The following TIAM2 variants were observed in gnomAD, a reference collection of about 807,000 sequenced individuals.
The protein encoded by TIAM2 is TIAM Rac1 associated GEF 2, also known as rho guanine nucleotide exchange factor TIAM2.
Under a neutral mutation model 152.9 loss-of-function variants are expected in TIAM2, and 80 were observed. The observed-to-expected ratio is 0.52, with a 90% confidence interval of 0.44 to 0.63. TIAM2 has a LOEUF of 0.63. Among genes scored for constraint, TIAM2 ranks in the 30% least tolerant of loss-of-function variants. The pLI is 0.00. For synonymous variants in TIAM2, 804 were observed against 838.0 expected (o/e 0.96, Z 0.70); for missense variants, 1,965 against 2,120.1 (o/e 0.93, Z 1.44).
rs1018299569 is a variant in TIAM2, at chr6:155,156,077, G to A, written c.2028+7743G>A. 1.3e-5 allele frequency among the ~76,000 whole-genome samples: 2 copies of A among 152,228 alleles called. No individual in the cohort carries two copies. Among genetic ancestry groups the A allele is most frequent in the Admixed American group, 6.5e-5 (1 of 15,280 alleles). On this transcript the variant is annotated intron_variant, in intron 7 of 26. Transcript: ENST00000682666. This position sits in a 1 kb window ranked among gnomAD's most constrained non-coding sequence, Gnocchi z 4.4. Reference sequence around the variant, plus strand: ...TGGCATTCCAGTGCTGTGGAAGACAGAAATGGGAAATATAGCCTCATGTGC... The same window carrying A: ...TGGCATTCCAGTGCTGTGGAAGACAAAAATGGGAAATATAGCCTCATGTGC...
At chr6:155,106,532 C>T (rs1205602108) in intron 2 of TIAM2, among the ~76,000 whole-genome samples, 1 of 152,002 alleles carries the variant, frequency 6.6e-6, no homozygotes, top group Non-Finnish European at 1.5e-5. Context: ...AAGTTTATAC[C>T]CGATATTTTG....
At chr6:155,211,169 C>G (rs772685511) in intron 14 of TIAM2, 35 bp from the exon 15 acceptor site, 1 of 1,594,206 alleles carries the variant, frequency 6.3e-7, no homozygotes, top group African/African-American at 1.3e-5. Flanking sequence ...TGCAAATGGC[C>G]AAACTCATAT....
At chr6:155,024,652 T>TAAAAAAAA (rs58181899) in intron 1 of TIAM2, among the ~76,000 whole-genome samples, 1 of 146,936 alleles carries the variant, frequency 6.8e-6, no homozygotes, top group Non-Finnish European at 1.5e-5. Context: ...TCCATGTCTT[T>TAAAAAAAA]AAAAAAAAAA....
chr6:155,028,927 T>A (rs1220672885), intron 1 of TIAM2, among the ~76,000 whole-genome samples: 1 of 114,024 alleles, frequency 8.8e-6, no homozygotes, highest in African/African-American at 3.7e-5. Context: ...ATATACACTG[T>A]ATATACTATA....
intron 7 of TIAM2, among the ~76,000 whole-genome samples, chr6:155,154,427 G>A (rs978066166): frequency 9.2e-5 from 14 of 152,162 alleles, no homozygotes; most frequent in East Asian, 7.7e-4. Flanking sequence ...TGCTCTGGCC[G>A]TGTCCTGGGC....
At chr6:155,126,058 G>A (rs1342621211) in intron 2 of TIAM2, among the ~76,000 whole-genome samples, 2 of 152,124 alleles carry the variant, frequency 1.3e-5, no homozygotes, top group East Asian at 1.9e-4. Flanking sequence ...ATAGCCAAGA[G>A]GTGGAAGCAA....
chr6:155,055,152 G>GT (rs2114929418), intron 1 of TIAM2, among the ~76,000 whole-genome samples: 1 of 152,218 alleles, frequency 6.6e-6, no homozygotes, highest in Admixed American at 6.5e-5. Context: ...ATTGCAGAAC[G>GT]TAATTCATTA....
chr6:155,119,007 C>A (rs374632763), intron 2 of TIAM2, among the ~76,000 whole-genome samples: 1 of 151,382 alleles, frequency 6.6e-6, no homozygotes. Flanking sequence ...TTGCCTTGGA[C>A]AATGACTTCC....
At chr6:155,058,202 G>A (rs1777495970) in intron 1 of TIAM2, among the ~76,000 whole-genome samples, 1 of 152,154 alleles carries the variant, frequency 6.6e-6, no homozygotes, top group Non-Finnish European at 1.5e-5. Context: ...TGTAATCATT[G>A]CTAATGGGAT....
At chr6:155,201,997 A>G (rs942404716) in intron 14 of TIAM2, among the ~76,000 whole-genome samples, 3 of 151,176 alleles carry the variant, frequency 2.0e-5, no homozygotes, top group African/African-American at 7.3e-5. Context: ...TAACATTCAG[A>G]CTGCTGCTTT....
At chr6:155,238,002 A>G (rs1041202241) in intron 15 of TIAM2, among the ~76,000 whole-genome samples, 8 of 152,194 alleles carry the variant, frequency 5.3e-5, no homozygotes, top group Non-Finnish European at 8.8e-5. Flanking sequence ...TTTCTTTGCT[A>G]TTGCATTGTC....
intron 1 of TIAM2, among the ~76,000 whole-genome samples, chr6:155,025,268 G>A (rs955211269): frequency 4.7e-5 from 7 of 149,208 alleles, no homozygotes; most frequent in Non-Finnish European, 1.0e-4. Flanking sequence ...ATCTCAGCTC[G>A]CTGCAAGCTC....
chr6:155,147,678 T>G (rs1468365339), intron 6 of TIAM2, among the ~76,000 whole-genome samples: 7 of 152,112 alleles, frequency 4.6e-5, no homozygotes, highest in Admixed American at 4.6e-4. Context: ...AGAGATGTGG[T>G]TTCACCATAT....
chr6:155,104,505 C>A (rs944659444), intron 2 of TIAM2, among the ~76,000 whole-genome samples: 1 of 152,090 alleles, frequency 6.6e-6, no homozygotes, highest in African/African-American at 2.4e-5. Flanking sequence ...CACCTGTCAT[C>A]CCAGCACTTT....
At chr6:155,029,455 T>TAATATATAG (rs1484006742) in intron 1 of TIAM2, among the ~76,000 whole-genome samples, 1 of 41,752 alleles carries the variant, frequency 2.4e-5, no homozygotes, top group Non-Finnish European at 4.3e-5. Flanking sequence ...ATAGTATATA[T>TAATATATAG]TATATATAAT....
intron 1 of TIAM2, among the ~76,000 whole-genome samples, chr6:155,064,879 C>CTTTT (rs201823078): frequency 1.5e-5 from 2 of 135,242 alleles, no homozygotes; most frequent in African/African-American, 5.4e-5. Context: ...CTTTTCCCTT[C>CTTTT]CTTTCTCCCC....
intron 1 of TIAM2, among the ~76,000 whole-genome samples, chr6:155,047,943 G>A (rs1777238236): frequency 4.6e-5 from 7 of 151,964 alleles, no homozygotes; most frequent in Admixed American, 4.6e-4. Context: ...CCTCAGCAAG[G>A]GTTATTTTAT....
chr6:155,238,417 T>G lies in TIAM2; in HGVS notation c.3169-2113T>G, dbSNP rs548303170. Among the ~76,000 whole-genome samples the G allele has an allele frequency of 3.3e-5, 5 of 152,362 alleles. No homozygotes were observed. The South Asian group carries it at 1.0e-3, about 32-fold the overall frequency. On this transcript the variant is annotated intron_variant, in intron 15 of 26. Transcript: ENST00000682666. ...CCAACCTCTGCCTGTTACCCAGCTC[T>G]GAAGTTGCCTCCACGTTTTCAGTTA...
chr6:155,109,894 G>T (rs1778794211), intron 2 of TIAM2, among the ~76,000 whole-genome samples: 1 of 151,204 alleles, frequency 6.6e-6, no homozygotes. Flanking sequence ...AATTGATAGA[G>T]ACTTGTGTAT....
Sources: gnomAD v4.1 joint callset for allele counts (sites outside exome capture counted in the v4.1 genomes callset) on GRCh38, gnomAD v4.1.1 for gene constraint, Gnocchi (gnomAD v3.1) non-coding constraint, MANE v1.5 for transcripts, NCBI Gene and HGNC (gene_info 2026-07-23, HGNC 2026-07-21) for gene names.